SLC30A8: variants seen among roughly 807,000 people sequenced by gnomAD.
SLC30A8 encodes solute carrier family 30 member 8.
A neutral mutation model predicts 36.9 loss-of-function variants in SLC30A8; 27 were observed. The observed-to-expected ratio is 0.73, with a 90% confidence interval of 0.54 to 1.01. The LOEUF is 1.01. Among genes scored for constraint, SLC30A8 ranks in the 50% least tolerant of loss-of-function variants. The pLI is 0.00. For synonymous variants in SLC30A8, 164 were observed against 172.4 expected (o/e 0.95, Z 0.38); for missense variants, 439 against 452.0 (o/e 0.97, Z 0.26).
rs531347476 is a variant in SLC30A8 at position 117,012,076 on chromosome 8, C to T, written c.-265-27143C>T. Among the ~76,000 whole-genome samples the T allele has an allele frequency of 4.6e-5, 7 of 152,214 alleles. No homozygotes were observed. In the East Asian group the frequency reaches 1.4e-3, roughly 29 times the overall value. ...ATTCCAGATTGCTTTCTCCTCTGAA[C>T]TTTTGTATTAGTTGCTCATTCAAAA... On this transcript the variant is annotated intron_variant, in intron 1 of 10. Transcript: ENST00000427715.
intron 2 of SLC30A8, among the ~76,000 whole-genome samples, chr8:117,088,084 G>C (rs1001628886): frequency 6.6e-6 from 1 of 151,998 alleles, no homozygotes; most frequent in Non-Finnish European, 1.5e-5. Flanking sequence ...AGGAGAGAGA[G>C]AGAATGGAGG....
At chr8:117,066,341 G>A (rs1284384391) in intron 2 of SLC30A8, among the ~76,000 whole-genome samples, 1 of 152,146 alleles carries the variant, frequency 6.6e-6, no homozygotes, top group Non-Finnish European at 1.5e-5. Context: ...TTTCTTCCTA[G>A]TAACTTGTTC....
chr8:117,084,160 C>T (rs1459403804), intron 2 of SLC30A8, among the ~76,000 whole-genome samples: 1 of 152,070 alleles, frequency 6.6e-6, no homozygotes, highest in Non-Finnish European at 1.5e-5. Context: ...TTTTTCTGTT[C>T]CACACTGTGT....
chr8:117,154,247 C>T lies in SLC30A8; in HGVS notation c.418+1157C>T, dbSNP rs148540945. 1.9e-3 allele frequency among the ~76,000 whole-genome samples: 283 copies of T among 152,102 alleles called. 1 individual carries two copies. In the East Asian group the frequency reaches 0.026, roughly 14 times the overall value. ...CTCATTTTTACAGTCCCTCCCTAAC[C>T]CACCCCCACAACCCCCACACTCTGC... is the stretch of plus-strand genomic sequence containing the variant. On this transcript the variant is annotated intron_variant, in intron 3 of 7. Transcript: ENST00000456015.
chr8:117,157,359 T>A (rs568897223), intron 3 of SLC30A8, among the ~76,000 whole-genome samples: 102 of 152,276 alleles, frequency 6.7e-4, no homozygotes, highest in African/African-American at 2.3e-3. Flanking sequence ...TCCTAATAAG[T>A]TTCAATCATT....
intron 2 of SLC30A8, among the ~76,000 whole-genome samples, chr8:117,059,700 G>A (rs1351257654): frequency 6.6e-6 from 1 of 152,168 alleles, no homozygotes; most frequent in Non-Finnish European, 1.5e-5. Flanking sequence ...TCAAAAGTTA[G>A]GTTGAATTCA....
At chr8:117,042,831 A>G (rs932509177) in intron 2 of SLC30A8, among the ~76,000 whole-genome samples, 1 of 152,122 alleles carries the variant, frequency 6.6e-6, no homozygotes, top group Admixed American at 6.5e-5. Flanking sequence ...ATGTGCCACC[A>G]CAACCGGCTA....
chr8:117,022,199 C>CAA lies in SLC30A8; in HGVS notation c.-265-17008_-265-17007dup, dbSNP rs5894361. ...TGGGCAAAAGAGCAAGACTCCGTCT[C>CAA]AAAAAAAAAAAAAGAAAACAAGTTA... On this transcript the variant is annotated intron_variant, in intron 1 of 10. Transcript: ENST00000427715. Among the ~76,000 whole-genome samples, 41 of 141,152 alleles carry CAA rather than the reference C, an allele frequency of 2.9e-4. 1 individual carries two copies. Among genetic ancestry groups the CAA allele is most frequent in the East Asian group, 2.7e-3 (13 of 4,846 alleles). 92.6% of individuals were successfully genotyped at this position (141,152 alleles called of 152,430 possible).
At chr8:117,028,559 T>TC in intron 1 of SLC30A8, among the ~76,000 whole-genome samples, 1 of 151,902 alleles carries the variant, frequency 6.6e-6, no homozygotes, top group Middle Eastern at 3.4e-3. Context: ...AGTTTTTTTT[T>TC]TTTTTATTGT....
intron 2 of SLC30A8, among the ~76,000 whole-genome samples, chr8:117,047,232 C>A (rs553480512): frequency 6.6e-6 from 1 of 152,218 alleles, no homozygotes; most frequent in African/African-American, 2.4e-5. Flanking sequence ...CACGTATTCT[C>A]TTATATAATC....
intron 1 of SLC30A8, among the ~76,000 whole-genome samples, chr8:117,006,593 T>C (rs903678964): frequency 1.4e-4 from 21 of 151,954 alleles, no homozygotes; most frequent in Non-Finnish European, 8.8e-5. Flanking sequence ...GCCTCTCTAT[T>C]GTATGTAGGG....
chr8:117,171,203 C>G, intron 7 of SLC30A8, 35 bp downstream of exon 7: 1 of 1,609,944 alleles, frequency 6.2e-7, no homozygotes, highest in Non-Finnish European at 8.5e-7. Context: ...GGAAAAAATT[C>G]AGTCCTTGTC....
intron 1 of SLC30A8, among the ~76,000 whole-genome samples, chr8:117,005,175 G>A (rs991260458): frequency 6.6e-5 from 10 of 152,000 alleles, no homozygotes; most frequent in African/African-American, 1.7e-4. Context: ...CACCAAACCC[G>A]TTCCCTCTCC....
chr8:117,103,012 T>C (rs1319651223), intron 2 of SLC30A8, among the ~76,000 whole-genome samples: 3 of 152,056 alleles, frequency 2.0e-5, no homozygotes, highest in Non-Finnish European at 4.4e-5. Context: ...AAGTCTTGAG[T>C]CATTCCAGCA....
intron 2 of SLC30A8, among the ~76,000 whole-genome samples, chr8:117,046,944 T>C (rs1238132545): frequency 6.6e-6 from 1 of 152,250 alleles, no homozygotes; most frequent in Non-Finnish European, 1.5e-5. Context: ...AGAGAAGAAT[T>C]TGATTGGCTC....
Position 117,171,125 on chromosome 8 carries a change from T to C in SLC30A8, c.921T>C (p.Ser307=), listed in dbSNP as rs1823360075. ...CTGTGCACAGCCTGCACATCTGGTCTCTAACAATGAATCAAGTAATTCTCT... is the reference window on the plus strand; with the variant it reads ...CTGTGCACAGCCTGCACATCTGGTCCCTAACAATGAATCAAGTAATTCTCT... The part of the protein sequence containing the change: ...VLSVHSLHIW[S]LTMNQVILSA... Residue 307 remains serine (S), a synonymous_variant, in exon 7 of 8, where the codon TCT becomes TCC. Transcript: ENST00000456015. 6.2e-7 allele frequency: 1 copy of C among 1,613,544 alleles called. No homozygotes were observed. Among genetic ancestry groups the C allele is most frequent in the East Asian group, 2.2e-5 (1 of 44,856 alleles).
intron 2 of SLC30A8, among the ~76,000 whole-genome samples, chr8:117,078,754 ACAGCTTAGTG>A (rs1203281793): frequency 2.0e-5 from 3 of 150,988 alleles, no homozygotes; most frequent in Non-Finnish European, 4.4e-5. Flanking sequence ...TGGTATGAAC[ACAGCTTAGTG>A]CAGCCACCAC....
chr8:117,090,030 T>C (rs1819042818), intron 2 of SLC30A8, among the ~76,000 whole-genome samples: 1 of 152,048 alleles, frequency 6.6e-6, no homozygotes, highest in Non-Finnish European at 1.5e-5. Flanking sequence ...TGGAGTGCAG[T>C]GGCATGATCT....
chr8:117,014,658 G>C (rs1395545128), intron 1 of SLC30A8, among the ~76,000 whole-genome samples: 1 of 152,152 alleles, frequency 6.6e-6, no homozygotes, highest in Non-Finnish European at 1.5e-5. Flanking sequence ...TCTTATCTCA[G>C]TTCCTTTCTC....
Sources: gnomAD v4.1 joint callset for allele counts (sites outside exome capture counted in the v4.1 genomes callset) on GRCh38, gnomAD v4.1.1 for gene constraint, MANE v1.5 for transcripts, NCBI Gene and HGNC (gene_info 2026-07-23, HGNC 2026-07-21) for gene names.